The following HLCS variants were observed in gnomAD, a reference collection of about 807,000 sequenced individuals.
The protein encoded by HLCS is biotin--protein ligase.
HLCS carries 53 observed loss-of-function variants against 75.0 expected under a neutral mutation model. The ratio of observed to expected loss-of-function variants is 0.71; its 90% CI spans 0.57 to 0.89. The LOEUF is 0.89. Among genes scored for constraint, HLCS ranks in the 40% least tolerant of loss-of-function variants. HLCS has a pLI of 0.00. For synonymous variants in HLCS, 431 were observed against 428.6 expected (o/e 1.01, Z -0.07); for missense variants, 966 against 1,074.0 (o/e 0.90, Z 1.41).
intron 6 of HLCS, among the ~76,000 whole-genome samples, chr21:36,805,787 CCA>C (rs1321978762): frequency 3.3e-5 from 5 of 152,184 alleles, no homozygotes; most frequent in Non-Finnish European, 5.9e-5. Context: ...AGACCACTAG[CCA>C]CAGGGACAGC....
At chr21:36,825,215 C>G (rs1342341592) in intron 6 of HLCS, among the ~76,000 whole-genome samples, 2 of 152,016 alleles carry the variant, frequency 1.3e-5, no homozygotes, top group Admixed American at 1.3e-4. Context: ...GAGGTCCTGT[C>G]TCTATAAAAA....
At chr21:36,844,497 C>T (rs922460928) in intron 6 of HLCS, among the ~76,000 whole-genome samples, 1 of 152,176 alleles carries the variant, frequency 6.6e-6, no homozygotes, top group Non-Finnish European at 1.5e-5. Context: ...TTCCTCCCGC[C>T]TTCTAAGATG....
intron 1 of HLCS, among the ~76,000 whole-genome samples, chr21:36,965,961 GT>G (rs1223375152): frequency 1.3e-5 from 2 of 152,104 alleles, no homozygotes; most frequent in East Asian, 3.9e-4. Flanking sequence ...GTCTAGCTAT[GT>G]TGCCCAGGCT....
At position 36,814,709 on chromosome 21, in the gene HLCS, C is replaced by T. The variant is rs1017550889; in HGVS notation, c.1893-47424G>A. Among the ~76,000 whole-genome samples, 13 of 152,184 alleles carry T rather than the reference C, an allele frequency of 8.5e-5. 1 individual carries two copies. Among genetic ancestry groups the T allele is most frequent in the African/African-American group, 1.2e-4 (5 of 41,444 alleles). On this transcript the variant is annotated intron_variant, in intron 6 of 10. Transcript: ENST00000674895. ...CCATGTGGTCCTTTACAAACTTTAA[C>T]GTGCATACAAATCACCCAGGGACAT...
At chr21:36,779,319 CCTT>C (rs959834625) in intron 6 of HLCS, among the ~76,000 whole-genome samples, 3 of 152,100 alleles carry the variant, frequency 2.0e-5, no homozygotes, top group African/African-American at 7.2e-5. Context: ...TTCCCTCCTT[CCTT>C]CTTTCTTTCT....
intron 5 of HLCS, among the ~76,000 whole-genome samples, chr21:36,900,684 C>T (rs1279217089): frequency 6.6e-6 from 1 of 152,104 alleles, no homozygotes. Context: ...ATAAAGTCAC[C>T]TAAATGAGCT....
At chr21:36,812,011 T>C (rs892073016) in intron 6 of HLCS, among the ~76,000 whole-genome samples, 2 of 152,154 alleles carry the variant, frequency 1.3e-5, no homozygotes, top group Admixed American at 1.3e-4. Flanking sequence ...TGAGTCTTTA[T>C]TGTCCTGGGC....
chr21:36,932,877 G>A (rs1174851272), intron 4 of HLCS, among the ~76,000 whole-genome samples: 1 of 152,192 alleles, frequency 6.6e-6, no homozygotes, highest in Non-Finnish European at 1.5e-5. Context: ...CAGCACTTTG[G>A]CAGGCCGAGG....
intron 5 of HLCS, among the ~76,000 whole-genome samples, chr21:36,910,249 AG>A (rs1231198251): frequency 6.6e-6 from 1 of 152,246 alleles, no homozygotes; most frequent in Admixed American, 6.5e-5. Flanking sequence ...TATAATCAAA[AG>A]ATGGCACTCC....
At chr21:36,820,467 T>C (rs1229789446) in intron 6 of HLCS, among the ~76,000 whole-genome samples, 3 of 152,212 alleles carry the variant, frequency 2.0e-5, no homozygotes, top group Non-Finnish European at 4.4e-5. Context: ...GCAGGGCCTG[T>C]CCCTGCTCCC....
At chr21:36,965,613 C>T (rs904583392) in intron 1 of HLCS, among the ~76,000 whole-genome samples, 8 of 152,106 alleles carry the variant, frequency 5.3e-5, no homozygotes, top group Admixed American at 1.3e-4. Flanking sequence ...GTCGGGTGCC[C>T]AAGTTGGTGA....
At chr21:36,982,097 T>G (rs2069134137) in intron 1 of HLCS, among the ~76,000 whole-genome samples, 1 of 152,148 alleles carries the variant, frequency 6.6e-6, no homozygotes, top group Non-Finnish European at 1.5e-5. Context: ...TATAAGAATA[T>G]TATTCAATAA....
chr21:36,834,566 T>C (rs2062337692), intron 6 of HLCS, among the ~76,000 whole-genome samples: 1 of 151,554 alleles, frequency 6.6e-6, no homozygotes, highest in African/African-American at 2.4e-5. Flanking sequence ...AGCAAACACT[T>C]TTTTTTTTGA....
intron 6 of HLCS, among the ~76,000 whole-genome samples, chr21:36,879,300 G>A (rs1036700520): frequency 6.6e-6 from 1 of 152,058 alleles, no homozygotes; most frequent in East Asian, 1.9e-4. Context: ...CAGAACTGCT[G>A]GCTCAAAAAG....
intron 5 of HLCS, among the ~76,000 whole-genome samples, chr21:36,899,248 T>C (rs2065138620): frequency 6.6e-6 from 1 of 152,160 alleles, no homozygotes; most frequent in Non-Finnish European, 1.5e-5. Flanking sequence ...GTTACAGTAT[T>C]CTCTCTATTC....
At chr21:36,835,480 A>G (rs2146071427) in intron 6 of HLCS, among the ~76,000 whole-genome samples, 1 of 152,352 alleles carries the variant, frequency 6.6e-6, no homozygotes, top group Middle Eastern at 3.4e-3. Context: ...CACAGTTGGA[A>G]GCAGTAATTT....
At chr21:36,939,122 T>C in intron 2 of HLCS, 128 bp from the exon 3 acceptor site, 1 of 772,044 alleles carries the variant, frequency 1.3e-6, no homozygotes, top group South Asian at 1.8e-5. Flanking sequence ...AATAACAAAT[T>C]ACTGGATATT....
intron 1 of HLCS, among the ~76,000 whole-genome samples, chr21:36,977,259 G>A (rs1011621662): frequency 3.2e-4 from 49 of 152,078 alleles, no homozygotes; most frequent in Non-Finnish European, 7.4e-5. Context: ...TTGGGCGAAG[G>A]GAGAAATCTG....
intron 6 of HLCS, among the ~76,000 whole-genome samples, chr21:36,837,269 T>C (rs891464124): frequency 6.6e-6 from 1 of 152,236 alleles, no homozygotes; most frequent in Non-Finnish European, 1.5e-5. Context: ...CAGAAAGCTA[T>C]TTATAAAAGT....
Sources: gnomAD v4.1 joint callset for allele counts (sites outside exome capture counted in the v4.1 genomes callset) on GRCh38, gnomAD v4.1.1 for gene constraint, MANE v1.5 for transcripts, NCBI Gene and HGNC (gene_info 2026-07-23, HGNC 2026-07-21) for gene names.